The following MELK variants were observed in gnomAD, a reference collection of about 807,000 sequenced individuals.
MELK encodes the protein maternal embryonic leucine zipper kinase, also known as pEg3 kinase.
MELK carries 81 observed loss-of-function variants against 85.0 expected under a neutral mutation model. That is an observed-to-expected ratio of 0.95 (90% CI 0.80 to 1.15). The LOEUF (loss-of-function observed/expected upper bound fraction) is 1.15, where lower values mean the gene tolerates loss of function less well. MELK is among the 50% of genes most tolerant of loss of function. The probability of loss-of-function intolerance (pLI) is 0.00; values close to 1 mark genes in which losing one functional copy is unlikely to be tolerated. For synonymous variants in MELK, 252 were observed against 265.0 expected, an observed-to-expected ratio of 0.95 and a Z score of 0.48; for missense variants, 754 against 777.5, an observed-to-expected ratio of 0.97 and a Z score of 0.36.
rs1564142891 is a variant in MELK, at chr9:36,599,417, G to A, written c.498G>A (p.Gln166=). 2 of 1,611,960 alleles carry A rather than the reference G, an allele frequency of 1.2e-6. No individual in the cohort carries two copies. Among genetic ancestry groups the A allele is most frequent in the Non-Finnish European group, 1.7e-6 (2 of 1,178,772 alleles). The change falls in exon 7 of 18, where the codon CAG becomes CAA. Residue 166 remains glutamine, a synonymous_variant. Transcript: ENST00000298048. ...AGGGTAACAAGGATTACCATCTACA[G>A]ACATGCTGTGGGAGTCTGGCTTATG... The part of the protein sequence containing the change: ...KPKGNKDYHL[Q]TCCGSLAYAA...
At chr9:36,596,563 GTTTTTTTT>G (rs1824272639) in intron 5 of MELK, among the ~76,000 whole-genome samples, 1 of 106,134 alleles carries the variant, frequency 9.4e-6, no homozygotes, top group Non-Finnish European at 1.8e-5. Context: ...GGCCCTTTTT[GTTTTTTTT>G]GTTTTTTTTG....
chr9:36,608,105 C>T (rs1385265828), intron 8 of MELK, among the ~76,000 whole-genome samples: 3 of 151,540 alleles, frequency 2.0e-5, no homozygotes, highest in Non-Finnish European at 4.4e-5. Context: ...GTGGTGAAAC[C>T]CCGTCTCTAC....
intron 10 of MELK, among the ~76,000 whole-genome samples, chr9:36,641,602 ATTT>A (rs59380521): frequency 2.4e-5 from 3 of 126,738 alleles, no homozygotes; most frequent in African/African-American, 2.9e-5. Context: ...ATAAAGAGAG[ATTT>A]TTTTTTTTTT....
chr9:36,594,523 G>C, intron 4 of MELK, 105 bp from the exon 5 acceptor site: 1 of 1,337,906 alleles, frequency 7.5e-7, no homozygotes, highest in East Asian at 2.4e-5. Context: ...TCCCTATAAA[G>C]TCGAATTAAT....
intron 7 of MELK, among the ~76,000 whole-genome samples, chr9:36,605,975 C>T (rs1825440830): frequency 6.6e-6 from 1 of 151,060 alleles, no homozygotes; most frequent in South Asian, 2.1e-4. Flanking sequence ...AAAAAAATTT[C>T]CTAAGGCTCA....
chr9:36,666,849 GTGTT>G (rs1003699983), intron 14 of MELK, among the ~76,000 whole-genome samples: 1 of 112,952 alleles, frequency 8.9e-6, no homozygotes, highest in Non-Finnish European at 1.9e-5. Context: ...GATGATGTCT[GTGTT>G]TGTGTGTGTG....
rs754641494 is a variant in MELK at position 36,599,408 on chromosome 9, C to T, written c.489C>T (p.Tyr163=). The part of the protein sequence containing the change: ...LCAKPKGNKD[Y]HLQTCCGSLA... ...CTTATTGGCAGGGTAACAAGGATTACCATCTACAGACATGCTGTGGGAGTC... is the reference window on the plus strand; with the variant it reads ...CTTATTGGCAGGGTAACAAGGATTATCATCTACAGACATGCTGTGGGAGTC... Residue 163 remains tyrosine (Y), a synonymous_variant, in exon 7 of 18, where the codon TAC becomes TAT. Coordinates refer to ENST00000298048, the MANE Select transcript of MELK (RefSeq NM_014791.4). 19 of 1,609,310 alleles carry T rather than the reference C, an allele frequency of 1.2e-5. No homozygotes were observed. The highest frequency in any genetic ancestry group is 6.7e-5 in the East Asian group (3 of 44,688).
chr9:36,668,749 A>G (rs1442586314), intron 14 of MELK, among the ~76,000 whole-genome samples: 1 of 151,924 alleles, frequency 6.6e-6, no homozygotes, highest in South Asian at 2.1e-4. Flanking sequence ...TCCTGACCTC[A>G]TGATCCGCCC....
At position 36,671,159 on chromosome 9, in the gene MELK, G is replaced by C. The variant is rs921796646; in HGVS notation, c.1667G>C (p.Arg556Thr). The change falls in exon 16 of 18, where the codon AGA becomes ACA. Residue 556 changes from arginine to threonine, a missense_variant. By Grantham distance (71) the Arg-to-Thr change is moderately conservative. Transcript: ENST00000298048. ...GGTTCTGCCAGAGACGGGCCCAGAA[G>C]ACTAAAGGTAAGCAGGCTGGAATTC... Reference protein sequence around the residue: ...RKGSARDGPRRLKLHYNVTTT... With the variant: ...RKGSARDGPRTLKLHYNVTTT... 1 of 1,593,568 alleles carries C rather than the reference G, an allele frequency of 6.3e-7. No homozygotes were observed. Among genetic ancestry groups the C allele is most frequent in the African/African-American group, 1.4e-5 (1 of 73,912 alleles).
At chr9:36,575,442 A>C (rs1447468279) in intron 1 of MELK, among the ~76,000 whole-genome samples, 2 of 152,212 alleles carry the variant, frequency 1.3e-5, no homozygotes, top group Non-Finnish European at 2.9e-5. Context: ...ATAATCTGCT[A>C]TTAGTGTAGG....
intron 10 of MELK, among the ~76,000 whole-genome samples, chr9:36,638,877 A>G (rs1320806684): frequency 6.6e-6 from 1 of 152,220 alleles, no homozygotes; most frequent in Non-Finnish European, 1.5e-5. Context: ...ATGGTCAAAC[A>G]ACGAGTAAGT....
chr9:36,653,444 C>T (rs1830909331), intron 12 of MELK, among the ~76,000 whole-genome samples: 1 of 152,180 alleles, frequency 6.6e-6, no homozygotes, highest in Non-Finnish European at 1.5e-5. Flanking sequence ...CTGCACCTGG[C>T]CTGTCATGGA....
intron 11 of MELK, among the ~76,000 whole-genome samples, chr9:36,643,395 AAG>A: frequency 6.6e-6 from 1 of 152,214 alleles, no homozygotes; most frequent in South Asian, 2.1e-4. Context: ...AAAAAAGAAA[AAG>A]AAAAAAAATA....
intron 13 of MELK, among the ~76,000 whole-genome samples, chr9:36,659,608 C>T (rs1364898260): frequency 5.9e-5 from 9 of 152,114 alleles, no homozygotes; most frequent in Non-Finnish European, 1.3e-4. Context: ...TAATGCTTGG[C>T]GAGGTTTCCT....
intron 7 of MELK, 106 bp from the exon 8 acceptor site, chr9:36,607,469 T>C (rs749309622): frequency 2.4e-6 from 2 of 837,436 alleles, no homozygotes; most frequent in Non-Finnish European, 3.9e-6. Context: ...ATCTGAGTTC[T>C]TTTTTAGCTT....
At chr9:36,665,635 A>G in intron 14 of MELK, 54 bp downstream of exon 14, 2 of 1,391,508 alleles carry the variant, frequency 1.4e-6, no homozygotes, top group Admixed American at 3.9e-5. Flanking sequence ...TACCATGTTA[A>G]GTAAACATAT....
At chr9:36,602,225 G>T (rs1332356430) in intron 7 of MELK, among the ~76,000 whole-genome samples, 1 of 152,116 alleles carries the variant, frequency 6.6e-6, no homozygotes, top group African/African-American at 2.4e-5. Flanking sequence ...GGGCGCGGTG[G>T]CTCATGCCTG....
intron 17 of MELK, among the ~76,000 whole-genome samples, chr9:36,676,075 T>A (rs1039510162): frequency 6.6e-6 from 1 of 152,160 alleles, no homozygotes; most frequent in African/African-American, 2.4e-5. Flanking sequence ...AATGATCTAT[T>A]ATCTAACATG....
intron 13 of MELK, among the ~76,000 whole-genome samples, chr9:36,658,100 A>T (rs1831432927): frequency 6.8e-6 from 1 of 146,566 alleles, no homozygotes; most frequent in Non-Finnish European, 1.5e-5. Flanking sequence ...GTGGCAATTG[A>T]TCTGTTTTTC....
Sources: gnomAD v4.1 joint callset for allele counts (sites outside exome capture counted in the v4.1 genomes callset) on GRCh38, gnomAD v4.1.1 for gene constraint, MANE v1.5 for transcripts, NCBI Gene and HGNC (gene_info 2026-07-23, HGNC 2026-07-21) for gene names.